The following NOL4 variants were observed in gnomAD, a reference collection of about 807,000 sequenced individuals.
NOL4 encodes the protein cancer/testis antigen 125.
NOL4 carries 17 observed loss-of-function variants against 75.9 expected under a neutral mutation model. The ratio of observed to expected loss-of-function variants is 0.22; its 90% confidence interval spans 0.15 to 0.34. The LOEUF is 0.34. NOL4 is among the 10% of genes least tolerant of loss of function. NOL4 has a pLI of 1.00. For missense variants in NOL4, 614 were observed against 793.5 expected, an observed-to-expected ratio of 0.77 and a Z score of 2.72; for synonymous variants, 292 against 289.9, an observed-to-expected ratio of 1.01 and a Z score of -0.07.
Position 34,223,481 on chromosome 18 carries a change from C to A in NOL4, c.-228G>T, listed in dbSNP as rs916261410. ...AAGTCTGGTCCATTCGTAATTGCAA[C>A]GGCTGTCTCGGACGTTTTTCCTGTT... On this transcript the variant is annotated 5_prime_UTR_variant, in exon 1 of 11. Coordinates refer to ENST00000261592, the MANE Select transcript of NOL4 (RefSeq NM_003787.5). The A allele has an allele frequency of 6.7e-6, 4 of 595,600 alleles. No homozygotes were observed. Among genetic ancestry groups the A allele is most frequent in the Non-Finnish European group, 1.2e-5 (4 of 340,678 alleles). The allele number at this position is 595,600 out of a possible 1,614,324, so 36.9% of individuals were successfully genotyped here.
At chr18:34,065,809 A>T (rs2077251109) in intron 5 of NOL4, among the ~76,000 whole-genome samples, 1 of 151,984 alleles carries the variant, frequency 6.6e-6, no homozygotes, top group Non-Finnish European at 1.5e-5. Flanking sequence ...TTGATAAGAG[A>T]TTAAATGCTA....
chr18:34,137,779 T>TATACACACACACAA (rs1354745785), intron 1 of NOL4, among the ~76,000 whole-genome samples: 1 of 147,044 alleles, frequency 6.8e-6, no homozygotes. Context: ...ATATACGAAA[T>TATACACACACACAA]ACACACACAC....
chr18:34,214,295 T>A (rs1366439765), intron 1 of NOL4, among the ~76,000 whole-genome samples: 1 of 135,916 alleles, frequency 7.4e-6, no homozygotes, highest in Non-Finnish European at 1.5e-5. Context: ...GCCCAATATA[T>A]TTGTACTTTT....
chr18:34,202,465 G>A (rs1484957551), intron 1 of NOL4, among the ~76,000 whole-genome samples: 2 of 151,738 alleles, frequency 1.3e-5, no homozygotes, highest in Non-Finnish European at 2.9e-5. Flanking sequence ...CATTTCTACA[G>A]CTTCTATTTT....
intron 4 of NOL4, among the ~76,000 whole-genome samples, chr18:34,098,947 G>T (rs1269312364): frequency 6.6e-6 from 1 of 152,134 alleles, no homozygotes; most frequent in African/African-American, 2.4e-5. Context: ...AAATTTTCCT[G>T]TGTGTTTTTT....
chr18:33,994,388 C>A (rs2073132240), intron 6 of NOL4, among the ~76,000 whole-genome samples: 2 of 151,866 alleles, frequency 1.3e-5, no homozygotes, highest in Admixed American at 1.3e-4. Context: ...GATCATTCTG[C>A]AGGTTAGACA....
chr18:34,175,001 T>C (rs993989005), intron 1 of NOL4, among the ~76,000 whole-genome samples: 1 of 152,142 alleles, frequency 6.6e-6, no homozygotes. Flanking sequence ...GATCTAGAAC[T>C]AGAAATACCA....
intron 1 of NOL4, among the ~76,000 whole-genome samples, chr18:34,134,105 A>G (rs956571201): frequency 3.3e-5 from 5 of 152,092 alleles, no homozygotes; most frequent in African/African-American, 4.8e-5. Context: ...TTATAACAAT[A>G]TATTGTTGTA....
At chr18:34,164,908 G>A (rs2032106869) in intron 1 of NOL4, among the ~76,000 whole-genome samples, 1 of 152,016 alleles carries the variant, frequency 6.6e-6, no homozygotes, top group Admixed American at 6.5e-5. Flanking sequence ...ATACTATGCA[G>A]CCATAAAAAA....
chr18:34,209,246 T>C (rs1172843324), intron 1 of NOL4, among the ~76,000 whole-genome samples: 2 of 144,458 alleles, frequency 1.4e-5, no homozygotes, highest in African/African-American at 5.1e-5. Flanking sequence ...TATATAGAAA[T>C]GGTAAATAAA....
intron 1 of NOL4, among the ~76,000 whole-genome samples, chr18:34,207,121 T>G (rs554546887): frequency 6.6e-6 from 1 of 152,290 alleles, no homozygotes; most frequent in South Asian, 2.1e-4. Flanking sequence ...GTTTGCATTT[T>G]CAATATAGAG....
chr18:33,995,879 A>T (rs1369230798), intron 6 of NOL4, among the ~76,000 whole-genome samples: 1 of 151,948 alleles, frequency 6.6e-6, no homozygotes, highest in Non-Finnish European at 1.5e-5. Flanking sequence ...ATAGCAATTG[A>T]AAAGAATACA....
At chr18:34,114,854 G>C (rs1393902622) in intron 2 of NOL4, among the ~76,000 whole-genome samples, 1 of 151,824 alleles carries the variant, frequency 6.6e-6, no homozygotes, top group Non-Finnish European at 1.5e-5. Context: ...AAATGCTAAG[G>C]GCCCAGGGAA....
chr18:33,995,660 T>C (rs1255412980), intron 6 of NOL4, among the ~76,000 whole-genome samples: 1 of 151,920 alleles, frequency 6.6e-6, no homozygotes, highest in Non-Finnish European at 1.5e-5. Flanking sequence ...TTTTCTAACT[T>C]ACCTTTTGAT....
intron 9 of NOL4, among the ~76,000 whole-genome samples, chr18:33,906,219 C>A (rs1015766493): frequency 1.3e-5 from 2 of 152,104 alleles, no homozygotes; most frequent in Non-Finnish European, 2.9e-5. Context: ...AGTCATGACC[C>A]GACCAAGGAT....
intron 5 of NOL4, among the ~76,000 whole-genome samples, chr18:34,040,215 G>T (rs1264845987): frequency 2.0e-5 from 3 of 151,872 alleles, no homozygotes; most frequent in Admixed American, 2.0e-4. Flanking sequence ...AACTGTTAAT[G>T]GAGATTATTG....
chr18:34,132,327 C>G (rs2080690169), intron 1 of NOL4, among the ~76,000 whole-genome samples: 1 of 152,178 alleles, frequency 6.6e-6, no homozygotes, highest in Non-Finnish European at 1.5e-5. Context: ...CTTAGGGTGG[C>G]CATTATTCAA....
At chr18:33,893,194 A>T (rs1474971764) in intron 9 of NOL4, among the ~76,000 whole-genome samples, 1 of 152,128 alleles carries the variant, frequency 6.6e-6, no homozygotes, top group African/African-American at 2.4e-5. Context: ...GATATGTATC[A>T]ATATGCATTT....
At chr18:34,047,943 A>G (rs2076456867) in intron 5 of NOL4, among the ~76,000 whole-genome samples, 1 of 152,090 alleles carries the variant, frequency 6.6e-6, no homozygotes, top group Non-Finnish European at 1.5e-5. Context: ...ATGCCTTTTC[A>G]TCATATTATA....
Sources: allele counts gnomAD v4.1 joint callset (sites outside exome capture counted in the v4.1 genomes callset), GRCh38; gene constraint gnomAD v4.1.1; transcripts MANE v1.5; gene names NCBI Gene and HGNC (gene_info 2026-07-23, HGNC 2026-07-21).